The following OPCML variants were observed in gnomAD, a reference collection of about 807,000 sequenced individuals.
The protein encoded by OPCML is opioid binding protein/cell adhesion molecule like, also known as opioid-binding protein/cell adhesion molecule.
OPCML carries 13 observed loss-of-function variants against 37.8 expected under a neutral mutation model. The ratio of observed to expected loss-of-function variants is 0.34; its 90% CI spans 0.22 to 0.55. OPCML has a LOEUF of 0.55. OPCML is among the 20% of genes least tolerant of loss of function. The probability of loss-of-function intolerance (pLI) is 0.91; values close to 1 mark genes in which losing one functional copy is unlikely to be tolerated. For missense variants in OPCML, 341 were observed against 435.6 expected, an observed-to-expected ratio of 0.78 and a Z score of 1.93; for synonymous variants, 176 against 168.8, an observed-to-expected ratio of 1.04 and a Z score of -0.33.
intron 1 of OPCML, among the ~76,000 whole-genome samples, chr11:133,493,450 T>G (rs564892484): frequency 1.5e-4 from 23 of 152,274 alleles, no homozygotes; most frequent in African/African-American, 2.7e-4. Flanking sequence ...CATGTGTACA[T>G]GCATACTTTT....
intron 4 of OPCML, among the ~76,000 whole-genome samples, chr11:132,496,339 C>T (rs905040796): frequency 1.3e-5 from 2 of 152,036 alleles, no homozygotes; most frequent in African/African-American, 4.8e-5. Flanking sequence ...TAATATGCAC[C>T]CTTTGTAAAA....
intron 2 of OPCML, among the ~76,000 whole-genome samples, chr11:132,925,477 C>T (rs1468499687): frequency 6.6e-6 from 1 of 152,110 alleles, no homozygotes; most frequent in East Asian, 1.9e-4. Context: ...AAATGGTTAC[C>T]CTGCTGTACC....
intron 2 of OPCML, among the ~76,000 whole-genome samples, chr11:132,798,914 C>G (rs1348813743): frequency 6.6e-6 from 1 of 152,126 alleles, no homozygotes; most frequent in African/African-American, 2.4e-5. Context: ...TTCTGAGTAG[C>G]AAGTCTCAAC....
chr11:133,003,958 G>C (rs569994059), intron 1 of OPCML: 4 of 985,416 alleles, frequency 4.1e-6, no homozygotes, highest in Non-Finnish European at 4.8e-6. Flanking sequence ...ACACTGTCCC[G>C]TGGGCAGCAG....
chr11:132,678,688 C>A (rs79695298), intron 2 of OPCML, among the ~76,000 whole-genome samples: 1 of 152,090 alleles, frequency 6.6e-6, no homozygotes, highest in Non-Finnish European at 1.5e-5. Context: ...GGAAAAACTA[C>A]GGAAACAGAA....
At chr11:133,194,628 A>G (rs1938463430) in intron 1 of OPCML, among the ~76,000 whole-genome samples, 1 of 152,188 alleles carries the variant, frequency 6.6e-6, no homozygotes, top group Admixed American at 6.5e-5. Context: ...AGCCCTTTCC[A>G]TCTCCGATAC....
chr11:132,437,434 G>T (rs985557754), intron 4 of OPCML, 75 bp from the exon 5 acceptor site: 6 of 1,564,428 alleles, frequency 3.8e-6, no homozygotes, highest in Middle Eastern at 3.4e-4. Context: ...CACATCTAGA[G>T]ATTGTAGGAG....
chr11:133,365,586 G>A (rs1944521072), intron 1 of OPCML: 1 of 152,206 alleles, frequency 6.6e-6, no homozygotes, highest in Non-Finnish European at 1.5e-5. Flanking sequence ...GGGAGGGACA[G>A]ACATGCAGTC....
At position 132,471,190 on chromosome 11, in the gene OPCML, G is replaced by T. The variant is rs141530372; in HGVS notation, c.506-33831C>A. Among the ~76,000 whole-genome samples, 789 of 152,260 alleles carry T rather than the reference G, an allele frequency of 5.2e-3. 5 individuals are homozygous for T. The highest frequency in any genetic ancestry group is 0.041 in the Middle Eastern group (12 of 294). On this transcript the variant is annotated intron_variant, in intron 4 of 7. Transcript: ENST00000524381. The stretch of plus-strand genomic sequence containing the variant: ...TAAGTTGCTTGAGAAAAGGAAGAAA[G>T]GTGAGGCCAAAAAACACAGCTGGGA...
rs144526879 is a variant in OPCML at position 132,666,163 on chromosome 11, T to C, written c.147-8844A>G. Among the ~76,000 whole-genome samples, 6 of 152,276 alleles carry C rather than the reference T, an allele frequency of 3.9e-5. No homozygotes were observed. The East Asian group carries it at 1.2e-3, about 29-fold the overall frequency. ...ATTTCCATTACCATAAGGCTGGTAA[T>C]TTATAAAGAAAAGAGGTTTACGTGG... On this transcript the variant is annotated intron_variant, in intron 2 of 7. Coordinates refer to ENST00000524381, the MANE Select transcript of OPCML (RefSeq NM_001012393.5).
chr11:133,382,634 C>T (rs1410427823), intron 1 of OPCML, among the ~76,000 whole-genome samples: 1 of 152,224 alleles, frequency 6.6e-6, no homozygotes. Flanking sequence ...TAATAAAACA[C>T]ACACCCAGAT....
At chr11:133,314,531 G>GTT (rs1943156171) in intron 1 of OPCML, among the ~76,000 whole-genome samples, 2 of 148,182 alleles carry the variant, frequency 1.3e-5, no homozygotes, top group African/African-American at 5.0e-5. Flanking sequence ...CCTCTGCTAT[G>GTT]TTTTCCATGC....
intron 2 of OPCML, among the ~76,000 whole-genome samples, chr11:132,890,856 C>CAAAAAAAAA (rs57246769): frequency 8.6e-5 from 4 of 46,418 alleles, no homozygotes; most frequent in African/African-American, 1.3e-4. Context: ...GACTCCATCT[C>CAAAAAAAAA]AAAAAAAAAA....
At chr11:133,068,707 A>C (rs576493308) in intron 1 of OPCML, among the ~76,000 whole-genome samples, 2 of 152,374 alleles carry the variant, frequency 1.3e-5, no homozygotes, top group South Asian at 4.1e-4. Context: ...ATTTTTCAGC[A>C]GACGGATATT....
chr11:132,536,687 G>A (rs1042751071), intron 3 of OPCML, among the ~76,000 whole-genome samples: 1 of 152,084 alleles, frequency 6.6e-6, no homozygotes, highest in Non-Finnish European at 1.5e-5. Flanking sequence ...TCCTTCTGGG[G>A]CTACCTTTTT....
At chr11:133,299,325 C>T (rs1592179670) in intron 1 of OPCML, 1 of 152,216 alleles carries the variant, frequency 6.6e-6, no homozygotes, top group Admixed American at 6.5e-5. Context: ...TGGTTCCTTC[C>T]ACTGTGCTGC....
At chr11:132,614,277 AT>A (rs1938848958) in intron 3 of OPCML, among the ~76,000 whole-genome samples, 1 of 151,922 alleles carries the variant, frequency 6.6e-6, no homozygotes, top group Non-Finnish European at 1.5e-5. Flanking sequence ...CCCCCATCAG[AT>A]TTTCCTGAGC....
intron 1 of OPCML, among the ~76,000 whole-genome samples, chr11:133,347,429 A>G (rs7128235): frequency 0.12 from 18,212 of 152,202 alleles, 1,823 homozygotes; most frequent in African/African-American, 0.27. Flanking sequence ...CAGGACTCCA[A>G]ATTAAAATTA....
intron 1 of OPCML, among the ~76,000 whole-genome samples, chr11:133,080,347 T>C (rs1018633962): frequency 2.6e-5 from 4 of 152,124 alleles, no homozygotes; most frequent in African/African-American, 7.2e-5. Flanking sequence ...CTCATGACAC[T>C]ACTGCGGCCG....
Sources: gnomAD v4.1 joint callset for allele counts (sites outside exome capture counted in the v4.1 genomes callset) on GRCh38, gnomAD v4.1.1 for gene constraint, MANE v1.5 for transcripts, NCBI Gene and HGNC (gene_info 2026-07-23, HGNC 2026-07-21) for gene names.